PHKB: variants seen among roughly 807,000 people sequenced by gnomAD.
PHKB encodes phosphorylase b kinase regulatory subunit beta.
Under a neutral mutation model 152.1 loss-of-function variants are expected in PHKB, and 122 were observed. The observed-to-expected ratio is 0.80, with a 90% CI of 0.69 to 0.93. The LOEUF (loss-of-function observed/expected upper bound fraction) is 0.93, where lower values mean the gene tolerates loss of function less well. Among genes scored for constraint, PHKB ranks in the 40% least tolerant of loss-of-function variants. PHKB has a pLI of 0.00. For missense variants in PHKB, 1,304 were observed against 1,328.4 expected (o/e 0.98, Z 0.29); for synonymous variants, 436 against 464.9 (o/e 0.94, Z 0.80).
At chr16:47,646,736 A>G (rs576342877) in intron 16 of PHKB, among the ~76,000 whole-genome samples, 1 of 152,154 alleles carries the variant, frequency 6.6e-6, no homozygotes, top group South Asian at 2.1e-4. Flanking sequence ...ACCAATGTAA[A>G]TTGGTACATT....
At chr16:47,648,512 T>A in intron 16 of PHKB, 21 bp from the exon 17 acceptor site, 1 of 1,550,474 alleles carries the variant, frequency 6.4e-7, no homozygotes, top group Non-Finnish European at 8.9e-7. Flanking sequence ...TGACTCTAAT[T>A]TACAAACTTG....
intron 6 of PHKB, among the ~76,000 whole-genome samples, chr16:47,536,610 G>T (rs1970956784): frequency 6.6e-6 from 1 of 152,172 alleles, no homozygotes; most frequent in African/African-American, 2.4e-5. Flanking sequence ...ATGGCTTAGG[G>T]CAGAATCTGC....
At chr16:47,475,155 A>G (rs1228619451) in intron 1 of PHKB, among the ~76,000 whole-genome samples, 2 of 152,188 alleles carry the variant, frequency 1.3e-5, no homozygotes, top group African/African-American at 4.8e-5. Flanking sequence ...CTGCTAAATA[A>G]GTTTTGTCAT....
At chr16:47,590,739 C>G (rs1972014848) in intron 10 of PHKB, 1 of 152,190 alleles carries the variant, frequency 6.6e-6, no homozygotes, top group Non-Finnish European at 1.5e-5. Context: ...TAAGGAAAGC[C>G]ACAGCACTGT....
At chr16:47,637,159 G>T (rs986523817) in intron 14 of PHKB, among the ~76,000 whole-genome samples, 4 of 152,230 alleles carry the variant, frequency 2.6e-5, no homozygotes, top group African/African-American at 9.6e-5. Flanking sequence ...ACACTCATCG[G>T]AATGGCCTGC....
intron 27 of PHKB, among the ~76,000 whole-genome samples, chr16:47,689,663 T>A (rs1350349500): frequency 6.6e-6 from 1 of 152,240 alleles, no homozygotes; most frequent in Non-Finnish European, 1.5e-5. Context: ...GTGGATTGTG[T>A]TGACTTGAAG....
chr16:47,698,479 G>A lies in PHKB; in HGVS notation c.3035G>A (p.Arg1012Lys), dbSNP rs1460727369. 1 of 1,610,988 alleles carries A rather than the reference G, an allele frequency of 6.2e-7. No individual in the cohort carries two copies. Among genetic ancestry groups the A allele is most frequent in the African/African-American group, 1.3e-5 (1 of 74,780 alleles). ...LLMVVSIVLE[R>K]NPELEFQDKV... ...ATGGTTGTATCCATTGTACTGGAAA[G>A]AAACCCCGAGCTAGAATTTCAAGAC... Residue 1012 changes from arginine to lysine, a missense_variant, in exon 30 of 31, where the codon AGA becomes AAA. Physicochemically the swap from Arg to Lys is conservative, Grantham distance 26. Transcript: ENST00000323584.
At chr16:47,552,765 C>T (rs1567303455) in intron 7 of PHKB, among the ~76,000 whole-genome samples, 1 of 151,244 alleles carries the variant, frequency 6.6e-6, no homozygotes, top group Non-Finnish European at 1.5e-5. Context: ...TGTGGTGAGC[C>T]AAGATTGTGT....
intron 26 of PHKB, among the ~76,000 whole-genome samples, chr16:47,669,694 GT>G (rs1237851615): frequency 1.3e-5 from 2 of 152,176 alleles, no homozygotes; most frequent in African/African-American, 2.4e-5. Flanking sequence ...CAGCTGTGTC[GT>G]GTAAAACGCT....
chr16:47,539,233 C>T (rs1971007077), intron 6 of PHKB, among the ~76,000 whole-genome samples: 1 of 152,104 alleles, frequency 6.6e-6, no homozygotes, highest in Non-Finnish European at 1.5e-5. Context: ...CACCTGTGAG[C>T]TTTGAGTTTA....
At chr16:47,639,931 A>G (rs1972987215) in intron 14 of PHKB, among the ~76,000 whole-genome samples, 3 of 152,210 alleles carry the variant, frequency 2.0e-5, no homozygotes, top group African/African-American at 7.2e-5. Context: ...CCCTTTTGGA[A>G]AACATTTAAT....
intron 14 of PHKB, among the ~76,000 whole-genome samples, chr16:47,628,280 C>A (rs953370217): frequency 6.6e-6 from 1 of 152,154 alleles, no homozygotes; most frequent in African/African-American, 2.4e-5. Context: ...TGCCTGTAAT[C>A]CCAGCACTTT....
At chr16:47,674,600 G>A (rs1227790790) in intron 26 of PHKB, among the ~76,000 whole-genome samples, 1 of 152,166 alleles carries the variant, frequency 6.6e-6, no homozygotes, top group African/African-American at 2.4e-5. Flanking sequence ...GGTTTAGGAG[G>A]CAAAGCATAA....
intron 13 of PHKB, among the ~76,000 whole-genome samples, chr16:47,603,016 T>C (rs1972260162): frequency 6.6e-6 from 1 of 152,222 alleles, no homozygotes; most frequent in Admixed American, 6.5e-5. Flanking sequence ...ATAAGTCCTT[T>C]TGCATTTGAT....
At chr16:47,566,336 A>T in intron 7 of PHKB, 1 of 1,360,256 alleles carries the variant, frequency 7.4e-7, no homozygotes, top group Non-Finnish European at 1.0e-6. Flanking sequence ...CCCCATTTCT[A>T]TCACAGCCAG....
At chr16:47,683,987 T>A (rs1021186119) in intron 26 of PHKB, among the ~76,000 whole-genome samples, 1 of 152,148 alleles carries the variant, frequency 6.6e-6, no homozygotes, top group Non-Finnish European at 1.5e-5. Flanking sequence ...TTAAAAAAAA[T>A]TATTTTTTCC....
intron 6 of PHKB, 114 bp from the exon 7 acceptor site, chr16:47,547,319 T>C (rs2151672408): frequency 1.4e-6 from 1 of 701,564 alleles, no homozygotes; most frequent in South Asian, 1.5e-5. Context: ...CCCAACCTCA[T>C]GTAATCCCTC....
At chr16:47,578,862 G>A (rs118154088) in intron 7 of PHKB, among the ~76,000 whole-genome samples, 12 of 152,178 alleles carry the variant, frequency 7.9e-5, no homozygotes, top group East Asian at 7.7e-4. Context: ...TTTTCTGAGT[G>A]GTTATTGTCT....
chr16:47,547,461 G>T lies in PHKB; in HGVS notation c.623G>T (p.Cys208Phe). Reference sequence around the variant, plus strand: ...TCTTTTATTCAAAACCTTGTATTTTGTGTGGAAAGAGTTTACCGTGTGCCT... The same window carrying T: ...TCTTTTATTCAAAACCTTGTATTTTTTGTGGAAAGAGTTTACCGTGTGCCT... ...EVSFIQNLVF[C>F]VERVYRVPDF... The change falls in exon 7 of 31, where the codon TGT becomes TTT. Residue 208 changes from cysteine to phenylalanine, a missense_variant. Physicochemically the swap from Cys to Phe is radical, Grantham distance 205. Transcript: ENST00000323584. The T allele has an allele frequency of 1.9e-6, 3 of 1,610,566 alleles. No homozygotes were observed. Among genetic ancestry groups the T allele is most frequent in the Admixed American group, 3.3e-5 (2 of 59,996 alleles).
Sources: gnomAD v4.1 joint callset for allele counts (sites outside exome capture counted in the v4.1 genomes callset) on GRCh38, gnomAD v4.1.1 for gene constraint, MANE v1.5 for transcripts, NCBI Gene and HGNC (gene_info 2026-07-23, HGNC 2026-07-21) for gene names.